PDE4D: variants seen among roughly 807,000 people sequenced by gnomAD.
PDE4D encodes the protein phosphodiesterase 4D.
A neutral mutation model predicts 87.4 loss-of-function variants in PDE4D; 24 were observed. The ratio of observed to expected loss-of-function variants is 0.27; its 90% CI spans 0.20 to 0.39. The LOEUF (loss-of-function observed/expected upper bound fraction) is 0.39. Ranked by LOEUF, PDE4D falls within the 10% of genes least tolerant of loss-of-function variation. PDE4D has a pLI of 1.00. For missense variants in PDE4D, 714 were observed against 1,041.0 expected (o/e 0.69, Z 4.32); for synonymous variants, 384 against 383.2 (o/e 1.00, Z -0.02).
chr5:60,441,122 G>C (rs1202644127), intron 1 of PDE4D, among the ~76,000 whole-genome samples: 2 of 152,066 alleles, frequency 1.3e-5, no homozygotes, highest in East Asian at 3.9e-4. Flanking sequence ...AAAAGAGCCT[G>C]TATAGCCAAG....
intron 2 of PDE4D, among the ~76,000 whole-genome samples, chr5:60,166,239 C>T (rs1233635035): frequency 2.6e-5 from 4 of 152,136 alleles, no homozygotes; most frequent in African/African-American, 7.2e-5. Context: ...GGACTACAGG[C>T]GCCCGCCACC....
At chr5:60,036,871 G>C (rs1361196750) in intron 2 of PDE4D, among the ~76,000 whole-genome samples, 1 of 152,128 alleles carries the variant, frequency 6.6e-6, no homozygotes, top group Non-Finnish European at 1.5e-5. Flanking sequence ...TCTATAAATG[G>C]TCCTAGAATT....
chr5:60,115,860 G>A (rs1166124282), intron 2 of PDE4D, among the ~76,000 whole-genome samples: 2 of 152,074 alleles, frequency 1.3e-5, no homozygotes, highest in African/African-American at 4.8e-5. Flanking sequence ...TTATTGACCA[G>A]TTTACTGATT....
chr5:59,047,359 T>C lies in PDE4D; in HGVS notation c.809-8388A>G, dbSNP rs148947424. Among the ~76,000 whole-genome samples the C allele has an allele frequency of 4.7e-4, 71 of 152,200 alleles. No homozygotes were observed. The East Asian group carries it at 0.012, about 26-fold the overall frequency. On this transcript the variant is annotated intron_variant, in intron 5 of 14. Transcript: ENST00000340635. ...GGCCATTCAGGAAGCTACAAACAGG[T>C]AGGGATATAAAGTTTAGATCAGACA...
chr5:59,944,913 C>T (rs930873857), intron 3 of PDE4D, among the ~76,000 whole-genome samples: 2 of 152,146 alleles, frequency 1.3e-5, no homozygotes, highest in African/African-American at 4.8e-5. Context: ...AATTTAAACT[C>T]TGATGTGTTT....
At chr5:59,420,897 G>T (rs1794381450) in intron 1 of PDE4D, among the ~76,000 whole-genome samples, 2 of 152,066 alleles carry the variant, frequency 1.3e-5, no homozygotes, top group South Asian at 4.2e-4. Context: ...GTAGCAGGGG[G>T]CAGGAGGGCG....
chr5:59,598,657 C>CT (rs2153705640), intron 1 of PDE4D, among the ~76,000 whole-genome samples: 1 of 152,240 alleles, frequency 6.6e-6, no homozygotes, highest in Non-Finnish European at 1.5e-5. Context: ...GACAGCCTCT[C>CT]TTCATAGACT....
At chr5:60,516,528 G>A (rs747174128) in intron 1 of PDE4D, among the ~76,000 whole-genome samples, 1 of 152,146 alleles carries the variant, frequency 6.6e-6, no homozygotes, top group Non-Finnish European at 1.5e-5. Flanking sequence ...TGGAATTTAG[G>A]CAAAAGACAG....
intron 1 of PDE4D, among the ~76,000 whole-genome samples, chr5:59,590,238 T>C (rs908364050): frequency 6.6e-6 from 1 of 152,206 alleles, no homozygotes; most frequent in Admixed American, 6.5e-5. Context: ...CCTACATGTA[T>C]GGCCTTCAAG....
At chr5:60,341,393 G>T (rs563081281) in intron 1 of PDE4D, among the ~76,000 whole-genome samples, 4 of 152,284 alleles carry the variant, frequency 2.6e-5, no homozygotes, top group African/African-American at 9.6e-5. Context: ...TTTCACAGAA[G>T]TGGCCACAGG....
intron 1 of PDE4D, among the ~76,000 whole-genome samples, chr5:60,307,879 A>T (rs1446840451): frequency 6.6e-6 from 1 of 152,148 alleles, no homozygotes; most frequent in African/African-American, 2.4e-5. Flanking sequence ...TGTCTTTACT[A>T]AAAATACAAA....
At chr5:60,147,686 C>G in intron 2 of PDE4D, 1 of 439,036 alleles carries the variant, frequency 2.3e-6, no homozygotes, top group Non-Finnish European at 4.6e-6. Flanking sequence ...AAGCCGCCAG[C>G]TGAGGCTGCT....
chr5:59,138,067 A>G (rs1011870493), intron 5 of PDE4D, among the ~76,000 whole-genome samples: 1 of 152,240 alleles, frequency 6.6e-6, no homozygotes, highest in Admixed American at 6.5e-5. Context: ...TCTCACTGTT[A>G]GTATCCATGG....
intron 1 of PDE4D, among the ~76,000 whole-genome samples, chr5:60,199,520 T>C (rs1052082018): frequency 3.3e-5 from 5 of 151,698 alleles, no homozygotes; most frequent in Non-Finnish European, 7.4e-5. Context: ...AAATGGAAAA[T>C]GGCAATTTCT....
chr5:60,320,441 A>T (rs1756136898), intron 1 of PDE4D, among the ~76,000 whole-genome samples: 1 of 152,182 alleles, frequency 6.6e-6, no homozygotes, highest in African/African-American at 2.4e-5. Context: ...GGGTGAGGTG[A>T]TGCCTCGCCC....
At chr5:59,008,603 A>G (rs909185203) in intron 6 of PDE4D, among the ~76,000 whole-genome samples, 4 of 152,070 alleles carry the variant, frequency 2.6e-5, no homozygotes, top group African/African-American at 9.6e-5. Flanking sequence ...TGAATCATAG[A>G]ACTAAATGTA....
At chr5:60,521,110 A>G (rs1364824794) in intron 1 of PDE4D, 3 of 152,280 alleles carry the variant, frequency 2.0e-5, no homozygotes, top group African/African-American at 7.2e-5. Flanking sequence ...AAGATTTGGC[A>G]AGCAGGAGAA....
At position 58,974,919 on chromosome 5, in the gene PDE4D, C is replaced by T; in HGVS notation, c.2175G>A (p.Glu725=). Residue 725 remains glutamate, a synonymous_variant, in exon 15 of 15, where the codon GAG becomes GAA. Coordinates refer to ENST00000340635, the MANE Select transcript of PDE4D (RefSeq NM_001104631.2). ...SPSPAPDDPE[E]GRQGQTEKFQ... is the part of the protein sequence containing the mutation. ...ATTTCTCAGTTTGACCCTGCCGGCC[C>T]TCCTCTGGGTCATCAGGTGCAGGAG... 1 of 1,612,996 alleles carries T rather than the reference C, an allele frequency of 6.2e-7. No homozygotes were observed.
intron 6 of PDE4D, among the ~76,000 whole-genome samples, chr5:59,000,748 G>A (rs866531109): frequency 6.6e-6 from 1 of 152,296 alleles, no homozygotes. Flanking sequence ...GAGTGCAGTA[G>A]TGCGATCTTG....
Sources: allele counts gnomAD v4.1 joint callset (sites outside exome capture counted in the v4.1 genomes callset), GRCh38; gene constraint gnomAD v4.1.1; transcripts MANE v1.5; gene names NCBI Gene and HGNC (gene_info 2026-07-23, HGNC 2026-07-21).